The following COL9A3 variants were observed in gnomAD, a reference collection of about 807,000 sequenced individuals.
COL9A3 encodes collagen alpha-3(IX) chain.
In COL9A3, 82 loss-of-function variants were observed where a neutral mutation model predicts 110.2. The observed-to-expected ratio is 0.74, with a 90% CI of 0.62 to 0.89. The LOEUF is 0.89. COL9A3 is among the 40% of genes least tolerant of loss of function. The pLI is 0.00. For missense variants in COL9A3, 1,066 were observed against 981.3 expected, an observed-to-expected ratio of 1.09 and a Z score of -1.15; for synonymous variants, 494 against 403.8, an observed-to-expected ratio of 1.22 and a Z score of -2.68.
rs143489071 is a variant in COL9A3 at position 62,837,169 on chromosome 20, C to A, written c.1690C>A (p.Pro564Thr). 3 of 1,612,070 alleles carry A rather than the reference C, an allele frequency of 1.9e-6. No homozygotes were observed. Among genetic ancestry groups the A allele is most frequent in the South Asian group, 2.2e-5 (2 of 91,008 alleles). The change falls in exon 30 of 32, where the codon CCC (proline) becomes ACC (threonine). Residue 564 changes from proline (P) to threonine (T), a missense_variant. Coordinates refer to ENST00000649368, the MANE Select transcript of COL9A3 (RefSeq NM_001853.4). The part of the protein sequence containing the change: ...GRPGPAGPPG[P>T]PGPPGSIGHP... ...GCCCGGTCCAGCTGGCCCCCCTGGG[C>A]CCCCAGGACCCCCAGGCTCCATTGG... is the stretch of plus-strand genomic sequence containing the variant.
At chr20:62,823,406 C>T (rs879505671) in intron 10 of COL9A3, among the ~76,000 whole-genome samples, 48 of 152,194 alleles carry the variant, frequency 3.2e-4, no homozygotes, top group East Asian at 1.9e-4. Context: ...TTTGGCCGTC[C>T]GTGGTGGCAG....
intron 21 of COL9A3, 37 bp downstream of exon 21, chr20:62,829,718 A>G (rs1375657637): frequency 1.9e-6 from 3 of 1,600,396 alleles, no homozygotes; most frequent in Non-Finnish European, 2.6e-6. Flanking sequence ...CTCCCCATCC[A>G]GCCTGTGTGC....
intron 15 of COL9A3, 128 bp from the exon 16 acceptor site, chr20:62,827,113 G>T (rs1258664732): frequency 3.2e-6 from 3 of 948,990 alleles, no homozygotes; most frequent in African/African-American, 3.2e-5. Context: ...GCCTGGAGGG[G>T]CCCCCATCCC....
Position 62,827,949 on chromosome 20 carries a change from C to T in COL9A3, c.873C>T (p.Pro291=), listed in dbSNP as rs201808719. The T allele has an allele frequency of 3.9e-4, 629 of 1,612,846 alleles. 3 individuals are homozygous for T. Among genetic ancestry groups the T allele is most frequent in the Middle Eastern group, 2.0e-3 (12 of 6,084 alleles). ...DLGRPGPKGT[P]GVAGPSGEPG... ...GCAGACCTGGTCCCAAGGGAACCCC[C>T]GGAGTGGCCGGGCCAAGCGGAGAGC... Residue 291 remains proline (P), a synonymous_variant, in exon 17 of 32, where the codon CCC becomes CCT. Transcript: ENST00000649368.
At chr20:62,826,957 T>C (rs1304762863) in intron 15 of COL9A3, 137 bp downstream of exon 15, 3 of 970,718 alleles carry the variant, frequency 3.1e-6, no homozygotes, top group African/African-American at 1.6e-5. Context: ...CTGGGAGGGC[T>C]TGTGGCATGG....
intron 9 of COL9A3, 68 bp downstream of exon 9, chr20:62,822,232 A>C: frequency 1.1e-6 from 1 of 872,438 alleles, no homozygotes; most frequent in Non-Finnish European, 2.0e-6. Flanking sequence ...GACCCTCCCC[A>C]TTCCCCCTCC....
chr20:62,840,201 C>G (rs6090134), intron 31 of COL9A3, among the ~76,000 whole-genome samples: 1 of 151,994 alleles, frequency 6.6e-6, no homozygotes, highest in African/African-American at 2.4e-5. Context: ...TCACCAAAGC[C>G]ACCCCACAAC....
At chr20:62,819,421 C>A in intron 4 of COL9A3, 128 bp downstream of exon 4, 1 of 893,114 alleles carries the variant, frequency 1.1e-6, no homozygotes. Flanking sequence ...GAGAAGTCTC[C>A]AGAAGTCCCC....
intron 29 of COL9A3, 178 bp from the exon 30 acceptor site, chr20:62,836,905 T>G (rs1395797544): frequency 6.8e-6 from 6 of 877,116 alleles, no homozygotes; most frequent in Non-Finnish European, 1.1e-5. Flanking sequence ...CTCCAAGGGG[T>G]TGGGGGTCCT....
rs979597542 is a variant in COL9A3 at position 62,817,915 on chromosome 20, G to T, written c.147+280G>T. On this transcript the variant is annotated intron_variant, in intron 2 of 31. Transcript: ENST00000649368. ...TGAGGGGCCCGTGCCCCTGTGTTCGGGGTTCTGGCCTCTGGCTGAAGTGGG... is the reference window on the plus strand; with the variant it reads ...TGAGGGGCCCGTGCCCCTGTGTTCGTGGTTCTGGCCTCTGGCTGAAGTGGG... The T allele has an allele frequency of 2.2e-5, 12 of 557,970 alleles. No homozygotes were observed. In the African/African-American group the frequency reaches 2.3e-4, roughly 11 times the overall value. The allele number at this position is 557,970 out of a possible 1,614,324, so 34.6% of individuals were successfully genotyped here.
intron 1 of COL9A3, 32 bp downstream of exon 1, chr20:62,817,174 C>A: frequency 7.4e-7 from 1 of 1,347,818 alleles, no homozygotes; most frequent in South Asian, 1.6e-5. Flanking sequence ...TGAGGCTGGA[C>A]GTGGAGCCGC....
intron 26 of COL9A3, 148 bp downstream of exon 26, chr20:62,833,212 G>A (rs2063609998): frequency 2.8e-6 from 2 of 726,936 alleles, no homozygotes; most frequent in East Asian, 2.7e-5. Flanking sequence ...ATGGAGCAGG[G>A]TCGGGCAGAG....
chr20:62,822,186 TA>T, intron 9 of COL9A3, 22 bp downstream of exon 9: 1 of 1,464,240 alleles, frequency 6.8e-7, no homozygotes, highest in Non-Finnish European at 9.6e-7. Context: ...GCAGAGGCTC[TA>T]AGAAGTGCTG....
At position 62,819,984 on chromosome 20, in the gene COL9A3, T is replaced by A. The variant is rs1398341432; in HGVS notation, c.309+2T>A. 6.2e-7 allele frequency: 1 copy of A among 1,611,898 alleles called. No homozygotes were observed. The highest frequency in any genetic ancestry group is 2.2e-5 in the East Asian group (1 of 44,758). ...CCCAAGGGTGCCCCTGGGGAACGGG[T>A]AAGTGCCTGCGCCGAACCCAGTGGC... On this transcript the variant is annotated splice_donor_variant, in intron 5 of 31. Coordinates refer to ENST00000649368, the MANE Select transcript of COL9A3 (RefSeq NM_001853.4). LOFTEE classifies it high-confidence loss of function.
intron 30 of COL9A3, 73 bp from the exon 31 acceptor site, chr20:62,838,611 T>C (rs1176321085): frequency 3.7e-6 from 5 of 1,343,856 alleles, no homozygotes; most frequent in Non-Finnish European, 5.2e-6. Flanking sequence ...GTTACAAAGG[T>C]TGATCAGACA....
chr20:62,829,318 C>T (rs2063577559), intron 19 of COL9A3, 137 bp from the exon 20 acceptor site: 17 of 1,193,378 alleles, frequency 1.4e-5, no homozygotes, highest in Non-Finnish European at 2.0e-5. Context: ...CTCAGGTCCA[C>T]AAGGCTGGGA....
At position 62,825,834 on chromosome 20, in the gene COL9A3, T is replaced by C. The variant is rs200105748; in HGVS notation, c.648T>C (p.Pro216=). 7.1e-5 allele frequency: 111 copies of C among 1,555,862 alleles called. 1 individual carries two copies. The East Asian group carries it at 2.2e-3, about 31-fold the overall frequency. ...KDGEKGDPGP[P]GPAGLPGSVG... is the part of the protein sequence containing the mutation. ...TGTTTCAGGGTGACCCTGGCCCCCC[T>C]GGGCCCGCCGGCCTCCCGGGCAGCG... Residue 216 remains proline (P), a synonymous_variant, in exon 13 of 32, where the codon CCT becomes CCC. Transcript: ENST00000649368.
chr20:62,824,952 C>G lies in COL9A3; in HGVS notation c.577-16C>G, dbSNP rs780640906. On this transcript the variant is annotated splice_polypyrimidine_tract_variant and intron_variant, in intron 11 of 31. Coordinates refer to ENST00000649368, the MANE Select transcript of COL9A3 (RefSeq NM_001853.4). The stretch of plus-strand genomic sequence containing the variant: ...GGGGGGTCTGGGTGGGGCAGTGACC[C>G]CACATTTGCTTGCAGGGACCCACTG... 10 of 1,607,440 alleles carry G rather than the reference C, an allele frequency of 6.2e-6. No individual in the cohort carries two copies. Among genetic ancestry groups the G allele is most frequent in the Middle Eastern group, 1.7e-4 (1 of 5,944 alleles).
In COL9A3 at chr20:62,827,439, C is replaced by T. The variant is rs565943562; in HGVS notation, c.846+145C>T. 423 of 835,116 alleles carry T rather than the reference C, an allele frequency of 5.1e-4. 2 individuals carry two copies. The highest frequency in any genetic ancestry group is 2.5e-3 in the Middle Eastern group (9 of 3,658). The allele number at this position is 835,116 out of a possible 1,614,324, so 51.7% of individuals were successfully genotyped here. On this transcript the variant is annotated intron_variant, in intron 16 of 31. Coordinates refer to ENST00000649368, the MANE Select transcript of COL9A3 (RefSeq NM_001853.4). ...GGCCTGGGGGTGCGTGGGGGTGAGC[C>T]TGACCCTGGAGGGCCCGAGCTCTCT...
Sources: allele counts gnomAD v4.1 joint callset (sites outside exome capture counted in the v4.1 genomes callset), GRCh38; gene constraint gnomAD v4.1.1; transcripts MANE v1.5; gene names NCBI Gene and HGNC (gene_info 2026-07-23, HGNC 2026-07-21).